NDE1: variants seen among roughly 807,000 people sequenced by gnomAD.
NDE1 encodes the protein nuclear distribution protein nudE homolog 1.
NDE1 carries 28 observed loss-of-function variants against 43.4 expected under a neutral mutation model. That is an observed-to-expected ratio of 0.65 (90% CI 0.48 to 0.89). NDE1 has a LOEUF of 0.89. Ranked by LOEUF, NDE1 falls within the 40% of genes least tolerant of loss-of-function variation. NDE1 has a pLI of 0.00. For synonymous variants in NDE1, 184 were observed against 172.0 expected, an observed-to-expected ratio of 1.07 and a Z score of -0.55; for missense variants, 441 against 434.1, an observed-to-expected ratio of 1.02 and a Z score of -0.14.
rs184422383 is a variant in NDE1 at position 15,720,181 on chromosome 16, C to T, written c.948-4010C>T. The stretch of plus-strand genomic sequence containing the variant: ...GTTTGCGTAGCTGCTTGATGGCTTC[C>T]TCCCTCCCCTTGATGGCAGAGTCGG... On this transcript the variant is annotated intron_variant, in intron 8 of 8. Coordinates refer to ENST00000396354, the MANE Select transcript of NDE1 (RefSeq NM_017668.3). 1.2e-6 allele frequency: 2 copies of T among 1,614,114 alleles called. No individual in the cohort carries two copies. Among genetic ancestry groups the T allele is most frequent in the East Asian group, 2.2e-5 (1 of 44,868 alleles).
chr16:15,715,344 G>T, intron 8 of NDE1: 1 of 1,479,586 alleles, frequency 6.8e-7, no homozygotes, highest in Non-Finnish European at 9.4e-7. Context: ...GTCACCTGGA[G>T]GTGGCATCTT....
intron 1 of NDE1, among the ~76,000 whole-genome samples, chr16:15,659,689 G>C (rs2036949999): frequency 6.6e-6 from 1 of 150,636 alleles, no homozygotes. Context: ...CACCTGCCCT[G>C]GCCTCCCAAA....
In NDE1 at chr16:15,694,212, A is replaced by T. The variant is rs1324876300; in HGVS notation, c.751A>T (p.Ile251Leu). ...GGTPLTPAAR[I>L]SALNIVGDLL... ...GACCCCCCTCACACCTGCGGCCCGG[A>T]TATCAGCCCTCAACATTGTGGGAGA... Residue 251 changes from isoleucine (I) to leucine (L), a missense_variant, in exon 7 of 9, where the codon ATA (isoleucine) becomes TTA (leucine). Physicochemically the swap from Ile to Leu is conservative, Grantham distance 5. Coordinates refer to ENST00000396354, the MANE Select transcript of NDE1 (RefSeq NM_017668.3). 2 of 1,613,370 alleles carry T rather than the reference A, an allele frequency of 1.2e-6. No homozygotes were observed. Among genetic ancestry groups the T allele is most frequent in the Non-Finnish European group, 8.5e-7 (1 of 1,180,028 alleles).
intron 5 of NDE1, among the ~76,000 whole-genome samples, chr16:15,689,259 G>A (rs911961285): frequency 1.2e-4 from 18 of 152,148 alleles, no homozygotes; most frequent in African/African-American, 3.4e-4. Flanking sequence ...AGAGACGGAC[G>A]CAAGAGGATT....
chr16:15,717,238 G>A lies in NDE1; in HGVS notation c.948-6953G>A, dbSNP rs746211825. On this transcript the variant is annotated intron_variant, in intron 8 of 8. Coordinates refer to ENST00000396354, the MANE Select transcript of NDE1 (RefSeq NM_017668.3). ...TGGACTTGACGGCCCCCTCCATCTC[G>A]TGGAGCTTGCTCCGGAGCTCCTTGT... 1.4e-5 allele frequency: 22 copies of A among 1,614,026 alleles called. No individual in the cohort carries two copies. Among genetic ancestry groups the A allele is most frequent in the East Asian group, 2.2e-5 (1 of 44,892 alleles).
At chr16:15,685,784 G>A (rs1238740121) in intron 4 of NDE1, among the ~76,000 whole-genome samples, 1 of 152,264 alleles carries the variant, frequency 6.6e-6, no homozygotes, top group East Asian at 1.9e-4. Context: ...AGGAGGAGCT[G>A]GGTGTTAACT....
rs2040717924 is a variant in NDE1 at position 15,725,653 on chromosome 16, C to T, written c.*1402C>T. ...TTATATGAGGGCGGCAAAAGCCCTG[C>T]TCTCAACTGCATGTGAGAAAAAAAC... On this transcript the variant is annotated 3_prime_UTR_variant, in exon 9 of 9. Coordinates refer to ENST00000396354, the MANE Select transcript of NDE1 (RefSeq NM_017668.3). 7.5e-6 allele frequency: 3 copies of T among 399,838 alleles called. No homozygotes were observed. In the East Asian group the frequency reaches 1.1e-4, roughly 14 times the overall value. The allele number at this position is 399,838 out of a possible 1,614,324, so 24.8% of individuals were successfully genotyped here.
At chr16:15,723,914 A>C (rs1245312739) in intron 8 of NDE1, among the ~76,000 whole-genome samples, 1 of 152,244 alleles carries the variant, frequency 6.6e-6, no homozygotes, top group Non-Finnish European at 1.5e-5. Context: ...CCATGTGTGC[A>C]GGTGACCCTC....
intron 3 of NDE1, among the ~76,000 whole-genome samples, chr16:15,672,926 G>A (rs529620291): frequency 4.1e-4 from 63 of 152,272 alleles, no homozygotes; most frequent in African/African-American, 1.3e-3. Flanking sequence ...AGGGTGCTGC[G>A]GGCGGCAGCA....
At position 15,719,270 on chromosome 16, in the gene NDE1, G is replaced by T; in HGVS notation, c.948-4921G>T. The T allele has an allele frequency of 1.2e-6, 2 of 1,613,174 alleles. No individual in the cohort carries two copies. The highest frequency in any genetic ancestry group is 1.7e-6 in the Non-Finnish European group (2 of 1,180,010). ...CCTCTGCCAGTTCCTCCTTCTCGAG[G>T]TCCGCTTGTTTGCGAGCCCTCTCAG... On this transcript the variant is annotated intron_variant, in intron 8 of 8. Transcript: ENST00000396354.
rs200244353 is a variant in NDE1, at chr16:15,667,633, T to TTG, written c.237+195_237+196insGT. ...CTAGTGGGTGGTGCTTTTTGTTTTG[T>TTG]TTTTTTTTTTTTTTTGAGATGGAGT... On this transcript the variant is annotated intron_variant, in intron 3 of 8. Transcript: ENST00000396354. Among the ~76,000 whole-genome samples, 5,707 of 140,040 alleles carry TTG rather than the reference T, an allele frequency of 0.041. 278 individuals carry two copies. The highest frequency in any genetic ancestry group is 0.11 in the Admixed American group (1,453 of 13,790). The allele number at this position is 140,040 out of a possible 152,430, so 91.9% of individuals were successfully genotyped here.
Position 15,654,456 on chromosome 16 carries a change from C to A in NDE1, c.-44+4162C>A, listed in dbSNP as rs374411925. Among the ~76,000 whole-genome samples, 32 of 151,644 alleles carry A rather than the reference C, an allele frequency of 2.1e-4. 3 individuals carry two copies. Among genetic ancestry groups the A allele is most frequent in the Admixed American group, 1.6e-3 (25 of 15,170 alleles). ...CTCTCCTAAAAATACAAAAAATTAG[C>A]CAGTCGTGGTGGCATGCACCTGTAA... On this transcript the variant is annotated intron_variant, in intron 1 of 8. Coordinates refer to ENST00000396354, the MANE Select transcript of NDE1 (RefSeq NM_017668.3).
intron 8 of NDE1, chr16:15,714,212 G>A: frequency 6.5e-6 from 1 of 153,820 alleles, no homozygotes; most frequent in Admixed American, 6.4e-5. Context: ...GGAGCAGGGG[G>A]GACCCCCAAG....
upstream of NDE1, chr16:15,649,214 AAATC>A (rs1286093361): frequency 3.3e-5 from 5 of 152,178 alleles, no homozygotes; most frequent in African/African-American, 7.2e-5. Context: ...TAAATAAACA[AAATC>A]AAGATCATTT....
intron 8 of NDE1, chr16:15,718,459 G>A (rs1312097408): frequency 2.6e-6 from 4 of 1,544,306 alleles, no homozygotes; most frequent in Admixed American, 1.9e-5. Flanking sequence ...GGCGGCCATG[G>A]TGGGGGCCTC....
intron 8 of NDE1, chr16:15,717,186 C>G: frequency 6.2e-7 from 1 of 1,614,214 alleles, no homozygotes; most frequent in Non-Finnish European, 8.5e-7. Flanking sequence ...ATCTTGGCCT[C>G]CAGCGCCGCG....
chr16:15,717,590 T>C (rs953037051), intron 8 of NDE1: 27 of 588,522 alleles, frequency 4.6e-5, no homozygotes, highest in Middle Eastern at 4.5e-4. Flanking sequence ...AGCTCAGGAG[T>C]TCGAGACCTG....
At chr16:15,653,967 G>A (rs1397267292) in intron 1 of NDE1, among the ~76,000 whole-genome samples, 1 of 151,976 alleles carries the variant, frequency 6.6e-6, no homozygotes, top group African/African-American at 2.4e-5. Context: ...CTGACCTCAG[G>A]TGATCTGCCT....
chr16:15,700,104 G>T lies in NDE1; in HGVS notation c.947+3244G>T, dbSNP rs369001551. On this transcript the variant is annotated intron_variant, in intron 8 of 8. Coordinates refer to ENST00000396354, the MANE Select transcript of NDE1 (RefSeq NM_017668.3). ...CTAAGTTGTCGGTGATGAGGCTACC[G>T]TGTTGTTTTTGAGATAGAGTCTTGC... 7.0e-5 allele frequency: 79 copies of T among 1,131,896 alleles called. No individual in the cohort carries two copies. In the East Asian group the frequency reaches 1.4e-3, roughly 20 times the overall value. The allele number at this position is 1,131,896 out of a possible 1,614,324, so 70.1% of individuals were successfully genotyped here.
Sources: allele counts gnomAD v4.1 joint callset (sites outside exome capture counted in the v4.1 genomes callset), GRCh38; gene constraint gnomAD v4.1.1; transcripts MANE v1.5; gene names NCBI Gene and HGNC (gene_info 2026-07-23, HGNC 2026-07-21).